Variants in PCIF1 observed in about 807,000 individuals in gnomAD.
The protein encoded by PCIF1 is phosphorylated CTD interacting factor 1.
PCIF1 carries 12 observed loss-of-function variants against 86.9 expected under a neutral mutation model. The ratio of observed to expected loss-of-function variants is 0.14; its 90% CI spans 0.09 to 0.22. PCIF1 has a LOEUF of 0.22. PCIF1 is among the 10% of genes least tolerant of loss of function. The probability of loss-of-function intolerance (pLI) is 1.00; values close to 1 mark genes in which losing one functional copy is unlikely to be tolerated. For synonymous variants in PCIF1, 397 were observed against 372.0 expected (o/e 1.07, Z -0.77); for missense variants, 701 against 951.1 (o/e 0.74, Z 3.46).
Position 45,939,357 on chromosome 20 carries a change from GT to G in PCIF1, c.249+19del, listed in dbSNP as rs1283660983. 1 of 1,612,552 alleles carries G rather than the reference GT, an allele frequency of 6.2e-7. No individual in the cohort carries two copies. The highest frequency in any genetic ancestry group is 1.3e-5 in the African/African-American group (1 of 75,032). On this transcript the variant is annotated intron_variant, in intron 4 of 16. Coordinates refer to ENST00000372409, the MANE Select transcript of PCIF1 (RefSeq NM_022104.4). ...ATGTGATTGTGAGTGCCAGCCTAGG[GT>G]GGGGGGGTCTCAGAGTGGCCTCTGG... is the stretch of plus-strand genomic sequence containing the variant.
intron 1 of PCIF1, among the ~76,000 whole-genome samples, chr20:45,935,672 A>G (rs2083418671): frequency 6.6e-6 from 1 of 152,180 alleles, no homozygotes; most frequent in Non-Finnish European, 1.5e-5. Flanking sequence ...ATTGCAAAAA[A>G]TGGGTACATT....
rs763618874 is a variant in PCIF1 at position 45,946,047 on chromosome 20, A to G, written c.1360A>G (p.Ser454Gly). 1 of 1,614,144 alleles carries G rather than the reference A, an allele frequency of 6.2e-7. No homozygotes were observed. Among genetic ancestry groups the G allele is most frequent in the Non-Finnish European group, 8.5e-7 (1 of 1,180,024 alleles). ...TCCACAGTGGCTCCTTTACCGCTAC[A>G]GCTGCATTGATGACTCTGCCTTTGA... The part of the protein sequence containing the change: ...FSKLWLLYRY[S>G]CIDDSAFERF... The change falls in exon 13 of 17, where the codon AGC (serine) becomes GGC (glycine). Residue 454 changes from serine to glycine, a missense_variant. Physicochemically the swap from Ser to Gly is moderately conservative, Grantham distance 56. Coordinates refer to ENST00000372409, the MANE Select transcript of PCIF1 (RefSeq NM_022104.4).
At chr20:45,937,359 C>T (rs147731897) in intron 1 of PCIF1, 59 bp from the exon 2 acceptor site, 184 of 399,170 alleles carry the variant, frequency 4.6e-4, no homozygotes, top group African/African-American at 2.6e-3. Flanking sequence ...TTTTGTCCCT[C>T]TTGTCCCTGC....
chr20:45,943,634 T>C lies in PCIF1; in HGVS notation c.906-32T>C. 1.9e-6 allele frequency: 3 copies of C among 1,543,306 alleles called. No individual in the cohort carries two copies. In the South Asian group the frequency reaches 3.6e-5, roughly 18 times the overall value. On this transcript the variant is annotated intron_variant, in intron 9 of 16. Coordinates refer to ENST00000372409, the MANE Select transcript of PCIF1 (RefSeq NM_022104.4). This position sits in a 1 kb window ranked among gnomAD's most constrained non-coding sequence, Gnocchi z 5.5. The stretch of plus-strand genomic sequence containing the variant: ...GGATGAGGAGGGTGGAGCCAAGCCA[T>C]TCCTTTCTTCTGCCCTCCCCTTGAC...
In PCIF1 at chr20:45,939,006, A is replaced by G. The variant is rs1194343287; in HGVS notation, c.7A>G (p.Asn3Asp). Residue 3 changes from asparagine to aspartate, a missense_variant, in exon 3 of 17, where the codon AAT (asparagine) becomes GAT (aspartate). Coordinates refer to ENST00000372409, the MANE Select transcript of PCIF1 (RefSeq NM_022104.4). MA[N>D]ENHGSPREEA... is the part of the protein sequence containing the mutation. ...GTCCTGTGTGGGTGTGGAGATGGCC[A>G]ATGAGAATCACGGCAGCCCCCGGGA... is the stretch of plus-strand genomic sequence containing the variant. 2 of 1,613,982 alleles carry G rather than the reference A, an allele frequency of 1.2e-6. No homozygotes were observed. The highest frequency in any genetic ancestry group is 1.7e-6 in the Non-Finnish European group (2 of 1,179,988).
At position 45,943,412 on chromosome 20, in the gene PCIF1, C is replaced by T; in HGVS notation, c.894C>T (p.Leu298=). Residue 298 remains leucine, a synonymous_variant, in exon 9 of 17, where the codon CTC becomes CTT. Coordinates refer to ENST00000372409, the MANE Select transcript of PCIF1 (RefSeq NM_022104.4). This position sits in a 1 kb window ranked among gnomAD's most constrained non-coding sequence, Gnocchi z 5.5. The part of the protein sequence containing the change: ...LFKYAEAARR[L]IESRSASPDS... Reference sequence around the variant, plus strand: ...AATATGCGGAGGCCGCCAGGCGGCTCATCGAGTCCAGGTTTGCCTGTCTTC... The same window carrying T: ...AATATGCGGAGGCCGCCAGGCGGCTTATCGAGTCCAGGTTTGCCTGTCTTC... 6.2e-7 allele frequency: 1 copy of T among 1,613,174 alleles called. No homozygotes were observed. Among genetic ancestry groups the T allele is most frequent in the South Asian group, 1.1e-5 (1 of 91,046 alleles).
intron 11 of PCIF1, 109 bp downstream of exon 11, chr20:45,945,139 ACCTG>A: frequency 7.7e-7 from 1 of 1,292,386 alleles, no homozygotes; most frequent in Non-Finnish European, 1.0e-6. Context: ...TTGGGGCAGA[ACCTG>A]CCTGTGTCCT....
At chr20:45,940,990 TCTGGGA>T (rs1281406678) in intron 6 of PCIF1, 51 bp downstream of exon 6, 1 of 1,613,980 alleles carries the variant, frequency 6.2e-7, no homozygotes, top group Non-Finnish European at 8.5e-7. Flanking sequence ...TGTCAGCCTG[TCTGGGA>T]CTGTGGGGTG....
Position 45,947,376 on chromosome 20 carries a change from C to T in PCIF1, c.1821C>T (p.His607=). 6.2e-7 allele frequency: 1 copy of T among 1,614,040 alleles called. No homozygotes were observed. Among genetic ancestry groups the T allele is most frequent in the Non-Finnish European group, 8.5e-7 (1 of 1,180,030 alleles). Residue 607 remains histidine, a synonymous_variant, in exon 16 of 17, where the codon CAC becomes CAT. Coordinates refer to ENST00000372409, the MANE Select transcript of PCIF1 (RefSeq NM_022104.4). The surrounding 1 kb of genome is among the most constrained non-coding windows in gnomAD (Gnocchi z 5.4). ...TRMEQSRFKR[H]QLILPAFEHE... is the part of the protein sequence containing the mutation. ...TGGAGCAGAGCCGCTTCAAACGCCA[C>T]CAGTTGATCCTGCCTGCCTTTGAGC...
intron 1 of PCIF1, among the ~76,000 whole-genome samples, chr20:45,935,036 G>C (rs912167080): frequency 2.6e-5 from 4 of 151,934 alleles, no homozygotes; most frequent in Non-Finnish European, 5.9e-5. Context: ...CTCCGCTGCT[G>C]CCGCCGCCAC....
chr20:45,939,424 G>A, intron 4 of PCIF1, 85 bp downstream of exon 4: 1 of 1,579,520 alleles, frequency 6.3e-7, no homozygotes, highest in Non-Finnish European at 8.6e-7. Flanking sequence ...CAGCCGTTCA[G>A]TGCCCAGCCC....
At chr20:45,936,424 C>T (rs962647705) in intron 1 of PCIF1, among the ~76,000 whole-genome samples, 1 of 148,740 alleles carries the variant, frequency 6.7e-6, no homozygotes, top group African/African-American at 2.5e-5. Context: ...CTCCTGACCT[C>T]GTGATCCGCC....
Position 45,934,790 on chromosome 20 carries a change from G to T in PCIF1, c.-202G>T. Reference sequence around the variant, plus strand: ...AGAACGTGTAGCCGCGTCCCCTCCAGTCCGCTCCGGGCAGGTAAGAGTCCC... The same window carrying T: ...AGAACGTGTAGCCGCGTCCCCTCCATTCCGCTCCGGGCAGGTAAGAGTCCC... On this transcript the variant is annotated 5_prime_UTR_variant, in exon 1 of 17. Transcript: ENST00000372409. 1 of 398,332 alleles carries T rather than the reference G, an allele frequency of 2.5e-6. No homozygotes were observed. The highest frequency in any genetic ancestry group is 3.6e-5 in the East Asian group (1 of 28,038). 24.7% of individuals were successfully genotyped at this position (398,332 alleles called of 1,614,324 possible). A position where few individuals can be genotyped will look rare whatever the true frequency, so the allele number is the denominator to read the frequency against.
At chr20:45,946,529 T>C in intron 14 of PCIF1, 145 bp downstream of exon 14, 1 of 1,032,432 alleles carries the variant, frequency 9.7e-7, no homozygotes, top group South Asian at 1.5e-5. Context: ...CTTGGACATG[T>C]TGCTTAACTT....
intron 1 of PCIF1, among the ~76,000 whole-genome samples, chr20:45,935,137 GGCGCGCGCGC>G (rs975443190): frequency 6.6e-6 from 1 of 150,612 alleles, no homozygotes; most frequent in Non-Finnish European, 1.5e-5. Context: ...GAGATGGGCC[GGCGCGCGCGC>G]GCGCGCCAAA....
At chr20:45,938,893 A>G (rs1056110865) in intron 2 of PCIF1, 88 bp from the exon 3 acceptor site, 15 of 1,534,606 alleles carry the variant, frequency 9.8e-6, no homozygotes, top group Non-Finnish European at 1.3e-5. Flanking sequence ...ATTTCTCCAC[A>G]TCGGTGGGTG....
intron 13 of PCIF1, 37 bp downstream of exon 13, chr20:45,946,152 G>T: frequency 6.2e-7 from 1 of 1,614,182 alleles, no homozygotes; most frequent in Non-Finnish European, 8.5e-7. Context: ...CTCCCCAGGA[G>T]GGAACAGGGA....
Position 45,943,901 on chromosome 20 carries a change from C to T in PCIF1, c.1005+136C>T. 1 of 637,506 alleles carries T rather than the reference C, an allele frequency of 1.6e-6. No homozygotes were observed. Among genetic ancestry groups the T allele is most frequent in the Non-Finnish European group, 2.7e-6 (1 of 365,256 alleles). 39.5% of individuals were successfully genotyped at this position (637,506 alleles called of 1,614,324 possible). On this transcript the variant is annotated intron_variant, in intron 10 of 16. Coordinates refer to ENST00000372409, the MANE Select transcript of PCIF1 (RefSeq NM_022104.4). This position sits in a 1 kb window ranked among gnomAD's most constrained non-coding sequence, Gnocchi z 5.5. ...CTTGTGCAGTATGGCAGACGTTCGA[C>T]ATTCGTCAGTCCCCAAACTCATGAC...
At chr20:45,941,029 C>T (rs774827803) in intron 6 of PCIF1, 24 bp from the exon 7 acceptor site, 4 of 1,614,040 alleles carry the variant, frequency 2.5e-6, no homozygotes, top group Non-Finnish European at 3.4e-6. Context: ...AGGACATCCT[C>T]ATCACTCCTC....
Sources: allele counts gnomAD v4.1 joint callset (sites outside exome capture counted in the v4.1 genomes callset), GRCh38; gene constraint gnomAD v4.1.1; non-coding constraint Gnocchi (gnomAD v3.1); transcripts MANE v1.5; gene names NCBI Gene and HGNC (gene_info 2026-07-23, HGNC 2026-07-21).